The following NQO1 variants were observed in gnomAD, a reference collection of about 807,000 sequenced individuals.
NQO1 encodes NAD(P)H dehydrogenase [quinone] 1.
A neutral mutation model predicts 32.1 loss-of-function variants in NQO1; 30 were observed. That is an observed-to-expected ratio of 0.94 (90% CI 0.70 to 1.27). The LOEUF is 1.27. NQO1 is among the 50% of genes most tolerant of loss of function. NQO1 has a pLI of 0.00. For synonymous variants in NQO1, 109 were observed against 119.7 expected, an observed-to-expected ratio of 0.91 and a Z score of 0.59; for missense variants, 276 against 331.3, an observed-to-expected ratio of 0.83 and a Z score of 1.30.
chr16:69,725,797 C>A (rs1424246906), intron 1 of NQO1, among the ~76,000 whole-genome samples: 1 of 152,206 alleles, frequency 6.6e-6, no homozygotes, highest in East Asian at 1.9e-4. Context: ...TCGCTTGAAC[C>A]CGGGAGGCGG....
rs548721035 is a variant in NQO1 at position 69,713,884 on chromosome 16, T to TG, written c.418-756_418-755insC. 2.3e-3 allele frequency among the ~76,000 whole-genome samples: 318 copies of TG among 140,612 alleles called. 5 individuals are homozygous for TG. Among genetic ancestry groups the TG allele is most frequent in the South Asian group, 5.9e-3 (24 of 4,066 alleles). 92.2% of individuals were successfully genotyped at this position (140,612 alleles called of 152,430 possible). A position where few individuals can be genotyped will look rare whatever the true frequency, so the allele number is the denominator to read the frequency against. On this transcript the variant is annotated intron_variant, in intron 4 of 5. Transcript: ENST00000320623. ...CACATCCGGCTAATTTTTTTTTTGT[T>TG]TTTGTTTTTGATATGGAGGCTCGCT...
intron 4 of NQO1, 24 bp downstream of exon 4, chr16:69,714,940 G>A: frequency 6.6e-7 from 1 of 1,522,814 alleles, no homozygotes; most frequent in Non-Finnish European, 9.1e-7. Flanking sequence ...CTGGCTGTCA[G>A]AGCATTCAGA....
intron 1 of NQO1, among the ~76,000 whole-genome samples, chr16:69,721,874 G>A (rs1365142769): frequency 6.6e-6 from 1 of 150,378 alleles, no homozygotes; most frequent in African/African-American, 2.4e-5. Flanking sequence ...GTAGTGGTGT[G>A]TGCCTGTAGT....
chr16:69,718,167 C>G lies in NQO1; in HGVS notation c.259G>C (p.Ala87Pro). Residue 87 changes from alanine (A) to proline (P), a missense_variant, in exon 3 of 6, where the codon GCT (alanine) becomes CCT (proline). Transcript: ENST00000320623. Reference protein sequence around the residue: ...KEGHLSPDIVAEQKKLEAADL... With the variant: ...KEGHLSPDIVPEQKKLEAADL... ...GCGGCTTCCAGCTTCTTTTGTTCAG[C>G]CACAATATCTGGGCTCAGATGGCCT... The G allele has an allele frequency of 6.2e-7, 1 of 1,614,066 alleles. No individual in the cohort carries two copies. The highest frequency in any genetic ancestry group is 1.1e-5 in the South Asian group (1 of 91,082).
chr16:69,710,145 C>T lies in NQO1; in HGVS notation c.*831G>A. 5.8e-6 allele frequency: 1 copy of T among 172,620 alleles called. No homozygotes were observed. Among genetic ancestry groups the T allele is most frequent in the Non-Finnish European group, 1.2e-5 (1 of 81,858 alleles). The allele number at this position is 172,620 out of a possible 1,614,324, so 10.7% of individuals were successfully genotyped here. On this transcript the variant is annotated 3_prime_UTR_variant, in exon 6 of 6. Transcript: ENST00000320623. ...GTCAGGAGTTTGAGACCAGCCTGGC[C>T]AACATGGTGAAACGCCGTCTCTACT...
At chr16:69,716,600 A>C (rs2151744581) in intron 3 of NQO1, among the ~76,000 whole-genome samples, 1 of 152,276 alleles carries the variant, frequency 6.6e-6, no homozygotes, top group South Asian at 2.1e-4. Flanking sequence ...GTCTTGTCTG[A>C]CCTCTTATCC....
At position 69,709,852 on chromosome 16, in the gene NQO1, C is replaced by G. The variant is rs1356889545; in HGVS notation, c.*1124G>C. The G allele has an allele frequency of 7.5e-6, 3 of 398,526 alleles. No homozygotes were observed. The highest frequency in any genetic ancestry group is 7.1e-5 in the East Asian group (2 of 28,070). The allele number at this position is 398,526 out of a possible 1,614,324, so 24.7% of individuals were successfully genotyped here. A position where few individuals can be genotyped will look rare whatever the true frequency, so the allele number is the denominator to read the frequency against. The stretch of plus-strand genomic sequence containing the variant: ...CCAAGGTCATGGGACTGGACCCCAT[C>G]CCATAGTAAGTCATCAGTTTAGCAA... On this transcript the variant is annotated 3_prime_UTR_variant, in exon 6 of 6. Coordinates refer to ENST00000320623, the MANE Select transcript of NQO1 (RefSeq NM_000903.3).
rs968569089 is a variant in NQO1, at chr16:69,709,445, T to C, written c.*1531A>G. 8.4e-6 allele frequency: 2 copies of C among 236,856 alleles called. No homozygotes were observed. The highest frequency in any genetic ancestry group is 4.5e-5 in the African/African-American group (2 of 44,756). 14.7% of individuals were successfully genotyped at this position (236,856 alleles called of 1,614,324 possible). On this transcript the variant is annotated 3_prime_UTR_variant, in exon 6 of 6. Transcript: ENST00000320623. ...ATTTTATTTATTTAATTCAGATCTTTGAGAAATTTACACAAAATTGCAGTG... is the reference window on the plus strand; with the variant it reads ...ATTTTATTTATTTAATTCAGATCTTCGAGAAATTTACACAAAATTGCAGTG...
intron 1 of NQO1, among the ~76,000 whole-genome samples, chr16:69,724,505 T>C (rs1238877669): frequency 6.6e-6 from 1 of 151,854 alleles, no homozygotes; most frequent in Non-Finnish European, 1.5e-5. Flanking sequence ...AATTTTTTTT[T>C]TTTTTAATTA....
chr16:69,718,114 C>T lies in NQO1; in HGVS notation c.303+9G>A, dbSNP rs772928497. 4 of 1,613,866 alleles carry T rather than the reference C, an allele frequency of 2.5e-6. No individual in the cohort carries two copies. The highest frequency in any genetic ancestry group is 3.4e-6 in the Non-Finnish European group (4 of 1,179,848). On this transcript the variant is annotated intron_variant, in intron 3 of 5. Transcript: ENST00000320623. The stretch of plus-strand genomic sequence containing the variant: ...TGTCCCTGACACCCCTTCCGATGTC[C>T]CCCCATACCTGGAATATCACAAGGT...
rs1323338086 is a variant in NQO1, at chr16:69,711,085, AT to A, written c.715del (p.Met239Ter). 6.2e-7 allele frequency: 1 copy of A among 1,614,170 alleles called. No homozygotes were observed. The highest frequency in any genetic ancestry group is 1.1e-5 in the South Asian group (1 of 91,088). Reference sequence around the variant, plus strand: ...CTCCTCATCCTGTACCTCTTTTTTCATTAAGAATCCTGCCTGGAAGTTTAGG... The same window carrying A: ...CTCCTCATCCTGTACCTCTTTTTTCATAAGAATCCTGCCTGGAAGTTTAGG... ...FDLNFQAGFL[M>X]KKEVQDEEKN... On this transcript the variant is annotated frameshift_variant, in exon 6 of 6. Coordinates refer to ENST00000320623, the MANE Select transcript of NQO1 (RefSeq NM_000903.3). LOFTEE classifies it high-confidence loss of function.
intron 3 of NQO1, among the ~76,000 whole-genome samples, chr16:69,716,186 A>ATCATC (rs1555537915): frequency 1.3e-3 from 161 of 119,292 alleles, no homozygotes; most frequent in South Asian, 3.4e-3. Flanking sequence ...TAATAATAAT[A>ATCATC]ATAATAATCA....
intron 1 of NQO1, among the ~76,000 whole-genome samples, chr16:69,723,733 C>T (rs1453651295): frequency 6.6e-6 from 1 of 151,872 alleles, no homozygotes; most frequent in African/African-American, 2.4e-5. Context: ...ATCCAGGAGG[C>T]GGAGGTTGCA....
chr16:69,726,498 G>C lies in NQO1; in HGVS notation c.-59C>G, dbSNP rs940864709. On this transcript the variant is annotated 5_prime_UTR_variant, in exon 1 of 6. Transcript: ENST00000320623. ...GGCTCGTGGTTGCCGGGGCGACCCT[G>C]GCCGGAACTAGGCTCTCGGTGAGCT... 1.3e-6 allele frequency: 2 copies of C among 1,597,094 alleles called. No individual in the cohort carries two copies. Among genetic ancestry groups the C allele is most frequent in the Admixed American group, 1.7e-5 (1 of 58,362 alleles).
rs2151741813 is a variant in NQO1 at position 69,711,219 on chromosome 16, C to T, written c.582G>A (p.Gly194=). The T allele has an allele frequency of 6.2e-7, 1 of 1,614,062 alleles. No homozygotes were observed. The highest frequency in any genetic ancestry group is 2.2e-5 in the East Asian group (1 of 44,892). The part of the protein sequence containing the change: ...VLEPQLTYSI[G]HTPADARIQI... ...GAATTCGGGCGTCTGCTGGAGTGTG[C>T]CCAATGCTATATGTCAGTTGAGGTT... Residue 194 remains glycine, a synonymous_variant, in exon 6 of 6, where the codon GGG becomes GGA. Transcript: ENST00000320623.
intron 1 of NQO1, among the ~76,000 whole-genome samples, chr16:69,725,321 G>A (rs1004191933): frequency 9.2e-5 from 14 of 152,176 alleles, no homozygotes; most frequent in Non-Finnish European, 2.9e-5. Flanking sequence ...CAAAACACAG[G>A]ATTCTGCCCC....
intron 3 of NQO1, among the ~76,000 whole-genome samples, chr16:69,715,508 C>T (rs2038101336): frequency 1.3e-5 from 2 of 152,256 alleles, no homozygotes; most frequent in South Asian, 4.1e-4. Flanking sequence ...TGGCTCAAGC[C>T]TGTAATCCCA....
At position 69,718,216 on chromosome 16, in the gene NQO1, G is replaced by T. The variant is rs113785544; in HGVS notation, c.210C>A (p.Ala70=). 2.0e-5 allele frequency: 33 copies of T among 1,614,048 alleles called. No homozygotes were observed. In the African/African-American group the frequency reaches 3.3e-4, roughly 16 times the overall value. ...CTTCTTTATAAGCCAGAACAGACTC[G>T]GCAGGATACTGAAAGTTCGCAGGGT... ...LKDPANFQYP[A]ESVLAYKEGH... is the part of the protein sequence containing the mutation. Residue 70 remains alanine (A), a synonymous_variant, in exon 3 of 6, where the codon GCC becomes GCA. Transcript: ENST00000320623.
intron 5 of NQO1, among the ~76,000 whole-genome samples, chr16:69,712,396 C>T (rs887106159): frequency 1.2e-4 from 19 of 152,236 alleles, no homozygotes; most frequent in Admixed American, 7.9e-4. Flanking sequence ...GTATCAGCAA[C>T]CTGGAGAAGG....
Sources: allele counts gnomAD v4.1 joint callset (sites outside exome capture counted in the v4.1 genomes callset), GRCh38; gene constraint gnomAD v4.1.1; transcripts MANE v1.5; gene names NCBI Gene and HGNC (gene_info 2026-07-23, HGNC 2026-07-21).